The following APBA1 variants were observed in gnomAD, a reference collection of about 807,000 sequenced individuals.
APBA1 encodes the protein amyloid beta precursor protein binding family A member 1, also known as amyloid-beta A4 precursor protein-binding family A member 1.
APBA1 carries 55 observed loss-of-function variants against 86.6 expected under a neutral mutation model. The ratio of observed to expected loss-of-function variants is 0.64; its 90% CI spans 0.51 to 0.80. The LOEUF is 0.80. APBA1 is among the 30% of genes least tolerant of loss of function. The pLI, the probability that APBA1 is intolerant of heterozygous loss-of-function variation, is 0.00. For missense variants in APBA1, 1,090 were observed against 1,183.0 expected (o/e 0.92, Z 1.15); for synonymous variants, 511 against 493.9 (o/e 1.03, Z -0.46).
chr9:69,589,130 A>AT (rs898283162), intron 1 of APBA1, among the ~76,000 whole-genome samples: 1 of 151,650 alleles, frequency 6.6e-6, no homozygotes, highest in African/African-American at 2.4e-5. Context: ...AATTTTTGTA[A>AT]TTTTTTTTAA....
intron 1 of APBA1, among the ~76,000 whole-genome samples, chr9:69,665,128 A>G (rs1433938084): frequency 6.6e-6 from 1 of 152,150 alleles, no homozygotes; most frequent in African/African-American, 2.4e-5. Context: ...GCCCTAAAGT[A>G]CTGAAGATTT....
intron 1 of APBA1, among the ~76,000 whole-genome samples, chr9:69,571,766 A>G (rs892992077): frequency 1.3e-5 from 2 of 152,240 alleles, no homozygotes; most frequent in East Asian, 1.9e-4. Flanking sequence ...TTTTAACTTA[A>G]TTCTCTCTTG....
rs964898321 is a variant in APBA1, at chr9:69,631,488, G to A, written c.-70+40665C>T. ...GTAAACTAGTTCAACCATTCTGGAAGACAGTGTGGCGATTCCTCAAGGATC... is the reference window on the plus strand; with the variant it reads ...GTAAACTAGTTCAACCATTCTGGAAAACAGTGTGGCGATTCCTCAAGGATC... On this transcript the variant is annotated intron_variant, in intron 1 of 12. Coordinates refer to ENST00000265381, the MANE Select transcript of APBA1 (RefSeq NM_001163.4). Among the ~76,000 whole-genome samples, 8 of 152,364 alleles carry A rather than the reference G, an allele frequency of 5.3e-5. No homozygotes were observed. The East Asian group carries it at 1.5e-3, about 29-fold the overall frequency.
rs772254743 is a variant in APBA1, at chr9:69,476,084, G to A, written c.1260C>T (p.His420=). 6 of 1,614,050 alleles carry A rather than the reference G, an allele frequency of 3.7e-6. No homozygotes were observed. The highest frequency in any genetic ancestry group is 2.7e-5 in the African/African-American group (2 of 74,932). The part of the protein sequence containing the change: ...LGAESSSTSL[H]PSDPVEASTN... ...TGGACGCTTCCACAGGGTCACTGGG[G>A]TGAAGAGATGTGCTTGATGACTCTG... The change falls in exon 3 of 13, where the codon CAC becomes CAT. Residue 420 remains histidine (H), a synonymous_variant. Coordinates refer to ENST00000265381, the MANE Select transcript of APBA1 (RefSeq NM_001163.4).
chr9:69,547,336 G>A (rs1040801647), intron 1 of APBA1, among the ~76,000 whole-genome samples: 1 of 152,152 alleles, frequency 6.6e-6, no homozygotes, highest in East Asian at 1.9e-4. Flanking sequence ...TGCCTGCCAC[G>A]TGTCTGTATT....
At position 69,516,489 on chromosome 9, in the gene APBA1, C is replaced by G. The variant is rs374535246; in HGVS notation, c.722G>C (p.Arg241Pro). ...GGGGCTGTCGGACTCGCCGTCGGAG[C>G]GCTCGTCGTAATGGTGCAGCCGCGC... ...LGARLHHYDE[R>P]SDGESDSPEK... is the part of the protein sequence containing the mutation. The change falls in exon 2 of 13, where the codon CGC (arginine) becomes CCC (proline). Residue 241 changes from arginine to proline, a missense_variant. Around this residue, in one of 6 missense-constraint regions of APBA1, gnomAD observed 678 missense variants for 647.1 expected, o/e 1.05. Coordinates refer to ENST00000265381, the MANE Select transcript of APBA1 (RefSeq NM_001163.4). This position sits in a 1 kb window ranked among gnomAD's most constrained non-coding sequence, Gnocchi z 7.3. The G allele has an allele frequency of 6.9e-5, 110 of 1,598,944 alleles. No individual in the cohort carries two copies. The highest frequency in any genetic ancestry group is 4.5e-4 in the Admixed American group (27 of 59,630).
At chr9:69,486,870 CT>C (rs140792702) in intron 2 of APBA1, among the ~76,000 whole-genome samples, 12 of 108,876 alleles carry the variant, frequency 1.1e-4, no homozygotes, top group African/African-American at 1.6e-4. Context: ...TTCTTCTTTT[CT>C]TTTTTTTTTC....
At chr9:69,599,293 A>C (rs951762848) in intron 1 of APBA1, among the ~76,000 whole-genome samples, 14 of 152,354 alleles carry the variant, frequency 9.2e-5, no homozygotes, top group African/African-American at 3.4e-4. Context: ...AACTGTCAAT[A>C]TTTGAAAAAG....
chr9:69,655,088 A>C (rs1823582356), intron 1 of APBA1, among the ~76,000 whole-genome samples: 1 of 152,216 alleles, frequency 6.6e-6, no homozygotes, highest in Admixed American at 6.5e-5. Context: ...CGTATGACAA[A>C]CCCACAGCTA....
chr9:69,543,172 G>A (rs1160080054), intron 1 of APBA1, among the ~76,000 whole-genome samples: 2 of 152,172 alleles, frequency 1.3e-5, no homozygotes, highest in African/African-American at 4.8e-5. Flanking sequence ...GCCTGGGAGG[G>A]GCCGTGGCCC....
intron 10 of APBA1, among the ~76,000 whole-genome samples, chr9:69,445,851 T>C (rs1000445742): frequency 6.6e-6 from 1 of 152,120 alleles, no homozygotes; most frequent in East Asian, 1.9e-4. Context: ...TCCCTGTTCC[T>C]GAAAGTGTAG....
chr9:69,644,625 A>G (rs1161938454), intron 1 of APBA1, among the ~76,000 whole-genome samples: 1 of 152,184 alleles, frequency 6.6e-6, no homozygotes, highest in Non-Finnish European at 1.5e-5. Flanking sequence ...CAACTTGGCC[A>G]TGTCTCAGAT....
chr9:69,649,987 T>C (rs1248047128), intron 1 of APBA1, among the ~76,000 whole-genome samples: 1 of 152,188 alleles, frequency 6.6e-6, no homozygotes, highest in African/African-American at 2.4e-5. Context: ...TAATCCAAAC[T>C]GAGAAAATGT....
At chr9:69,514,380 T>G (rs1836099493) in intron 2 of APBA1, among the ~76,000 whole-genome samples, 1 of 151,520 alleles carries the variant, frequency 6.6e-6, no homozygotes, top group South Asian at 2.1e-4. Context: ...CACCTGAGGT[T>G]AGGAGTTCAA....
chr9:69,531,025 AAT>A (rs1836424982), intron 1 of APBA1, among the ~76,000 whole-genome samples: 1 of 152,198 alleles, frequency 6.6e-6, no homozygotes, highest in South Asian at 2.1e-4. Flanking sequence ...AGAAAATTTT[AAT>A]ATTTTATCTA....
At chr9:69,608,589 T>C (rs1366866285) in intron 1 of APBA1, among the ~76,000 whole-genome samples, 1 of 152,218 alleles carries the variant, frequency 6.6e-6, no homozygotes, top group African/African-American at 2.4e-5. Flanking sequence ...ATTTATGACA[T>C]GCTACTTCAA....
chr9:69,562,644 G>A (rs957598973), intron 1 of APBA1, among the ~76,000 whole-genome samples: 1 of 151,764 alleles, frequency 6.6e-6, no homozygotes, highest in African/African-American at 2.4e-5. Context: ...CAAAGTGCTG[G>A]GATTACAGAC....
intron 1 of APBA1, among the ~76,000 whole-genome samples, chr9:69,614,360 T>C (rs913370884): frequency 6.6e-6 from 1 of 152,184 alleles, no homozygotes; most frequent in Admixed American, 6.5e-5. Context: ...TTAAGCTCTA[T>C]GGTAAATTGT....
At chr9:69,455,996 T>G (rs530859753) in intron 8 of APBA1, among the ~76,000 whole-genome samples, 2 of 152,286 alleles carry the variant, frequency 1.3e-5, no homozygotes, top group Admixed American at 1.3e-4. Flanking sequence ...TTTATTTGTC[T>G]GTGGAGCACT....
Sources: gnomAD v4.1 joint callset for allele counts (sites outside exome capture counted in the v4.1 genomes callset) on GRCh38, gnomAD v4.1.1 for gene constraint, gnomAD v4.1.1 regional missense constraint, Gnocchi (gnomAD v3.1) non-coding constraint, MANE v1.5 for transcripts, NCBI Gene and HGNC (gene_info 2026-07-23, HGNC 2026-07-21) for gene names.